The following LRMDA variants were observed in gnomAD, a reference collection of about 807,000 sequenced individuals.
LRMDA encodes leucine-rich melanocyte differentiation-associated protein.
In LRMDA, 18 loss-of-function variants were observed where a neutral mutation model predicts 29.8. That is an observed-to-expected ratio of 0.60 (90% CI 0.42 to 0.90). LRMDA has a LOEUF of 0.90. Ranked by LOEUF, LRMDA falls within the 40% of genes least tolerant of loss-of-function variation. LRMDA has a pLI of 0.00. For synonymous variants in LRMDA, 125 were observed against 109.4 expected (o/e 1.14, Z -0.89); for missense variants, 273 against 273.9 (o/e 1.00, Z 0.02).
chr10:76,160,969 C>CCCGCAAGCAA (rs1394055211), intron 5 of LRMDA, among the ~76,000 whole-genome samples: 2 of 152,106 alleles, frequency 1.3e-5, no homozygotes, highest in Non-Finnish European at 2.9e-5. Flanking sequence ...GCCTGAAACA[C>CCCGCAAGCAA]CCGCAAGCAA....
chr10:76,136,383 A>G (rs940170865), intron 5 of LRMDA, among the ~76,000 whole-genome samples: 1 of 152,148 alleles, frequency 6.6e-6, no homozygotes, highest in African/African-American at 2.4e-5. Flanking sequence ...TTGCCAATAC[A>G]TTGTCACTTG....
At chr10:76,281,472 A>G (rs1840203836) in intron 5 of LRMDA, among the ~76,000 whole-genome samples, 1 of 152,090 alleles carries the variant, frequency 6.6e-6, no homozygotes, top group East Asian at 1.9e-4. Context: ...TTCTATATCC[A>G]ATAGGTGGCT....
intron 5 of LRMDA, among the ~76,000 whole-genome samples, chr10:76,307,119 C>T (rs983753145): frequency 6.6e-6 from 1 of 152,122 alleles, no homozygotes; most frequent in Admixed American, 6.5e-5. Context: ...AGCAGCTACC[C>T]TTGCCCACCC....
At chr10:75,650,558 G>T (rs1164069485) in intron 2 of LRMDA, among the ~76,000 whole-genome samples, 1 of 151,982 alleles carries the variant, frequency 6.6e-6, no homozygotes, top group Admixed American at 6.6e-5. Context: ...GAGTTGCAAT[G>T]CAGGGTCTAC....
chr10:75,590,726 C>CTTTTTTTT lies in LRMDA; in HGVS notation c.131+152267_131+152274dup, dbSNP rs67966004. Among the ~76,000 whole-genome samples the CTTTTTTTT allele has an allele frequency of 1.4e-3, 100 of 71,382 alleles. 7 individuals carry two copies. The highest frequency in any genetic ancestry group is 2.1e-3 in the Non-Finnish European group (84 of 39,848). 46.8% of individuals were successfully genotyped at this position (71,382 alleles called of 152,430 possible). On this transcript the variant is annotated intron_variant, in intron 2 of 6. Transcript: ENST00000611255. ...CTCCTAACTCTCACAATAAAATAGT[C>CTTTTTTTT]TTTTTTTTTTTTTTTTTTTTTTTTT...
intron 5 of LRMDA, among the ~76,000 whole-genome samples, chr10:76,082,155 A>G (rs1167009108): frequency 6.6e-6 from 1 of 152,128 alleles, no homozygotes; most frequent in East Asian, 1.9e-4. Context: ...TGGAACACCA[A>G]CTTTTCATAT....
At chr10:76,235,929 G>A (rs554626253) in intron 5 of LRMDA, among the ~76,000 whole-genome samples, 2 of 152,168 alleles carry the variant, frequency 1.3e-5, no homozygotes, top group Non-Finnish European at 2.9e-5. Context: ...ACTTCCGTGT[G>A]TGCAGTTCCT....
chr10:76,294,223 A>G (rs1840385407), intron 5 of LRMDA, among the ~76,000 whole-genome samples: 1 of 152,212 alleles, frequency 6.6e-6, no homozygotes, highest in Non-Finnish European at 1.5e-5. Context: ...TCCTTCCAAG[A>G]GCAATAGGTT....
At chr10:75,945,593 T>C in intron 2 of LRMDA, among the ~76,000 whole-genome samples, 1 of 152,222 alleles carries the variant, frequency 6.6e-6, no homozygotes, top group South Asian at 2.1e-4. Context: ...TTTAGAATAT[T>C]TTGTCCAAAT....
chr10:75,854,715 C>T (rs1844792585), intron 2 of LRMDA, among the ~76,000 whole-genome samples: 1 of 151,834 alleles, frequency 6.6e-6, no homozygotes, highest in African/African-American at 2.4e-5. Context: ...CTATCCCTCC[C>T]CACTCCCCCC....
chr10:75,754,368 CGTATT>C (rs1843002364), intron 2 of LRMDA, among the ~76,000 whole-genome samples: 1 of 152,180 alleles, frequency 6.6e-6, no homozygotes, highest in Non-Finnish European at 1.5e-5. Context: ...TCTCAAAAAA[CGTATT>C]GTATTCTGTT....
chr10:76,196,376 C>T (rs1484461620), intron 5 of LRMDA, among the ~76,000 whole-genome samples: 2 of 152,200 alleles, frequency 1.3e-5, no homozygotes, highest in Non-Finnish European at 2.9e-5. Context: ...AGCAGGGACT[C>T]CACAGTAGCA....
At chr10:75,872,617 C>T (rs1025890665) in intron 2 of LRMDA, among the ~76,000 whole-genome samples, 8 of 152,256 alleles carry the variant, frequency 5.3e-5, no homozygotes, top group South Asian at 2.1e-4. Flanking sequence ...TTGTTCTATT[C>T]TCTGTTCTCC....
chr10:75,710,077 T>G (rs1004502242), intron 2 of LRMDA, among the ~76,000 whole-genome samples: 13 of 152,236 alleles, frequency 8.5e-5, no homozygotes, highest in Non-Finnish European at 1.0e-4. Flanking sequence ...GTTAAGTGTT[T>G]GATGTGTTTT....
At chr10:75,935,582 C>A (rs543561495) in intron 2 of LRMDA, among the ~76,000 whole-genome samples, 1 of 152,266 alleles carries the variant, frequency 6.6e-6, no homozygotes, top group East Asian at 1.9e-4. Context: ...AATGTCAATA[C>A]GTTAAGCCTG....
At chr10:76,077,818 A>T (rs1020054082) in intron 5 of LRMDA, among the ~76,000 whole-genome samples, 1 of 151,892 alleles carries the variant, frequency 6.6e-6, no homozygotes, top group Non-Finnish European at 1.5e-5. Flanking sequence ...AAGCCTCAAG[A>T]TTGGGGCATT....
chr10:76,534,140 T>A (rs1843266886), intron 6 of LRMDA, among the ~76,000 whole-genome samples: 1 of 152,212 alleles, frequency 6.6e-6, no homozygotes, highest in South Asian at 2.1e-4. Context: ...AACCTTTCCA[T>A]TCTCTTTAAC....
chr10:75,513,367 C>T (rs1845250332), intron 2 of LRMDA, among the ~76,000 whole-genome samples: 1 of 152,142 alleles, frequency 6.6e-6, no homozygotes, highest in South Asian at 2.1e-4. Context: ...TTGTCACCAC[C>T]ATACAAATAT....
At chr10:76,457,750 T>G (rs956652707) in intron 6 of LRMDA, among the ~76,000 whole-genome samples, 2 of 152,126 alleles carry the variant, frequency 1.3e-5, no homozygotes, top group African/African-American at 2.4e-5. Context: ...AGGTTACGTC[T>G]CAATCAGTTG....
Sources: allele counts gnomAD v4.1 joint callset (sites outside exome capture counted in the v4.1 genomes callset), GRCh38; gene constraint gnomAD v4.1.1; transcripts MANE v1.5; gene names NCBI Gene and HGNC (gene_info 2026-07-23, HGNC 2026-07-21).